The following DENND4C variants were observed in gnomAD, a reference collection of about 807,000 sequenced individuals.
DENND4C encodes DENN domain containing 4C, also known as DENN domain-containing protein 4C.
A neutral mutation model predicts 203.0 loss-of-function variants in DENND4C; 108 were observed. The ratio of observed to expected loss-of-function variants is 0.53; its 90% CI spans 0.46 to 0.62. DENND4C has a LOEUF of 0.62. Among genes scored for constraint, DENND4C ranks in the 20% least tolerant of loss-of-function variants. The pLI is 0.00. For synonymous variants in DENND4C, 871 were observed against 792.4 expected (o/e 1.10, Z -1.67); for missense variants, 2,481 against 2,301.2 (o/e 1.08, Z -1.60).
intron 12 of DENND4C, among the ~76,000 whole-genome samples, chr9:19,319,307 T>C (rs4977299): frequency 8.3e-6 from 1 of 120,652 alleles, no homozygotes; most frequent in African/African-American, 3.0e-5. Flanking sequence ...TATATACACA[T>C]ATATACACAC....
intron 1 of DENND4C, among the ~76,000 whole-genome samples, chr9:19,266,962 G>A (rs999053490): frequency 6.6e-6 from 1 of 152,076 alleles, no homozygotes; most frequent in South Asian, 2.1e-4. Context: ...ATCACATCGT[G>A]GTCAGAGACC....
rs1832925582 is a variant in DENND4C at position 19,276,533 on chromosome 9, C to A, written c.305+54C>A. 1.1e-5 allele frequency: 12 copies of A among 1,052,780 alleles called. No homozygotes were observed. The South Asian group carries it at 4.4e-4, about 39-fold the overall frequency. The allele number at this position is 1,052,780 out of a possible 1,614,324, so 65.2% of individuals were successfully genotyped here. A position where few individuals can be genotyped will look rare whatever the true frequency, so the allele number is the denominator to read the frequency against. ...TGAAGGAGTAAAATTTATTTAAGGGCCATGGAAGTAGGAATTTGAAATCCT... is the reference window on the plus strand; with the variant it reads ...TGAAGGAGTAAAATTTATTTAAGGGACATGGAAGTAGGAATTTGAAATCCT... On this transcript the variant is annotated intron_variant, in intron 2 of 32. Transcript: ENST00000434457.
chr9:19,258,143 A>G (rs1828450159), intron 1 of DENND4C, among the ~76,000 whole-genome samples: 1 of 152,070 alleles, frequency 6.6e-6, no homozygotes, highest in African/African-American at 2.4e-5. Flanking sequence ...CAATCTATCT[A>G]TCTATCAATC....
intron 30 of DENND4C, among the ~76,000 whole-genome samples, chr9:19,365,971 A>G (rs1004543821): frequency 2.0e-5 from 3 of 152,210 alleles, no homozygotes; most frequent in African/African-American, 7.2e-5. Context: ...GGAAAAGTTA[A>G]TATTATTAAG....
chr9:19,237,907 A>G (rs545829124), intron 1 of DENND4C, among the ~76,000 whole-genome samples: 1 of 152,166 alleles, frequency 6.6e-6, no homozygotes, highest in East Asian at 1.9e-4. Context: ...ATGTGTAGTA[A>G]TTTCCTAGGG....
intron 1 of DENND4C, among the ~76,000 whole-genome samples, chr9:19,270,956 A>G (rs984117675): frequency 6.6e-6 from 1 of 152,224 alleles, no homozygotes; most frequent in Non-Finnish European, 1.5e-5. Flanking sequence ...TGAATTAAAA[A>G]TAAAATGATG....
chr9:19,257,036 C>T (rs1281482159), intron 1 of DENND4C, among the ~76,000 whole-genome samples: 2 of 150,302 alleles, frequency 1.3e-5, no homozygotes, highest in African/African-American at 2.5e-5. Context: ...CGCCACTGTA[C>T]TCCAGCCTGG....
At chr9:19,304,819 G>A (rs1010811677) in intron 9 of DENND4C, among the ~76,000 whole-genome samples, 3 of 151,476 alleles carry the variant, frequency 2.0e-5, no homozygotes, top group Non-Finnish European at 4.4e-5. Flanking sequence ...AAAGTGCTGG[G>A]ATTACAGGCG....
intron 1 of DENND4C, among the ~76,000 whole-genome samples, chr9:19,250,335 ATG>A (rs1826246627): frequency 6.6e-6 from 1 of 152,116 alleles, no homozygotes; most frequent in African/African-American, 2.4e-5. Flanking sequence ...TCCCAGCTAC[ATG>A]GGAGGCTGAG....
intron 18 of DENND4C, among the ~76,000 whole-genome samples, chr9:19,335,717 C>A (rs1248936596): frequency 6.6e-6 from 1 of 152,046 alleles, no homozygotes; most frequent in African/African-American, 2.4e-5. Flanking sequence ...AATAGTATCT[C>A]GTTGTGTATA....
In DENND4C at chr9:19,279,202, G is replaced by A. The variant is rs537640229; in HGVS notation, c.305+2723G>A. On this transcript the variant is annotated intron_variant, in intron 2 of 32. Coordinates refer to ENST00000434457, the MANE Select transcript of DENND4C (RefSeq NM_001330640.2). ...AAATTAGCTGGGTGTGGCAGTGTGC[G>A]CCTGTAGTCCCAGCTACTCAGGAGG... 2.5e-4 allele frequency among the ~76,000 whole-genome samples: 33 copies of A among 132,744 alleles called. 7 individuals are homozygous for A. The East Asian group carries it at 7.6e-3, about 31-fold the overall frequency. 87.1% of individuals were successfully genotyped at this position (132,744 alleles called of 152,430 possible). A position where few individuals can be genotyped will look rare whatever the true frequency, so the allele number is the denominator to read the frequency against.
chr9:19,259,765 A>G (rs895673137), intron 1 of DENND4C, among the ~76,000 whole-genome samples: 22 of 152,000 alleles, frequency 1.4e-4, no homozygotes, highest in Admixed American at 4.6e-4. Context: ...TCGGCCTCCC[A>G]CAATGCTGGG....
At chr9:19,363,996 G>A (rs907380468) in intron 30 of DENND4C, among the ~76,000 whole-genome samples, 4 of 151,934 alleles carry the variant, frequency 2.6e-5, no homozygotes, top group Non-Finnish European at 4.4e-5. Flanking sequence ...CCTGGGCATC[G>A]CAGCAAGACT....
chr9:19,255,528 A>G (rs1268800547), intron 1 of DENND4C, among the ~76,000 whole-genome samples: 1 of 152,240 alleles, frequency 6.6e-6, no homozygotes, highest in African/African-American at 2.4e-5. Context: ...TCCTATATAT[A>G]CATTTTATGT....
At chr9:19,286,257 G>C (rs1253400656) in intron 2 of DENND4C, among the ~76,000 whole-genome samples, 5 of 152,062 alleles carry the variant, frequency 3.3e-5, no homozygotes, top group East Asian at 3.9e-4. Flanking sequence ...TAATCTATTT[G>C]AGGGTATTGC....
intron 8 of DENND4C, among the ~76,000 whole-genome samples, 184 bp from the exon 9 acceptor site, chr9:19,300,003 C>G (rs930007841): frequency 1.3e-5 from 2 of 152,168 alleles, no homozygotes; most frequent in African/African-American, 4.8e-5. Context: ...CCTTTTATTA[C>G]CAGAGGATGA....
At chr9:19,243,122 A>G (rs1307843511) in intron 1 of DENND4C, among the ~76,000 whole-genome samples, 1 of 152,184 alleles carries the variant, frequency 6.6e-6, no homozygotes, top group Admixed American at 6.5e-5. Context: ...GAACCATTGT[A>G]TACATTAGCA....
At chr9:19,364,330 A>G (rs1827160013) in intron 30 of DENND4C, among the ~76,000 whole-genome samples, 1 of 152,246 alleles carries the variant, frequency 6.6e-6, no homozygotes, top group African/African-American at 2.4e-5. Flanking sequence ...TTAGATGTGT[A>G]AAATGATACA....
At chr9:19,303,086 T>C (rs1001837602) in intron 9 of DENND4C, among the ~76,000 whole-genome samples, 1 of 152,104 alleles carries the variant, frequency 6.6e-6, no homozygotes, top group East Asian at 1.9e-4. Context: ...GTGCTTTGGA[T>C]TGAGGACTTT....
Sources: gnomAD v4.1 joint callset for allele counts (sites outside exome capture counted in the v4.1 genomes callset) on GRCh38, gnomAD v4.1.1 for gene constraint, MANE v1.5 for transcripts, NCBI Gene and HGNC (gene_info 2026-07-23, HGNC 2026-07-21) for gene names.